The following CLYBL variants were observed in gnomAD, a reference collection of about 807,000 sequenced individuals.
The protein encoded by CLYBL is citramalyl-CoA lyase.
A neutral mutation model predicts 38.9 loss-of-function variants in CLYBL; 31 were observed. That is an observed-to-expected ratio of 0.80 (90% CI 0.60 to 1.08). The LOEUF is 1.08. CLYBL is among the 50% of genes least tolerant of loss of function. The pLI, the probability that CLYBL is intolerant of heterozygous loss-of-function variation, is 0.00. For synonymous variants in CLYBL, 171 were observed against 158.6 expected, an observed-to-expected ratio of 1.08 and a Z score of -0.59; for missense variants, 434 against 411.6, an observed-to-expected ratio of 1.05 and a Z score of -0.47.
chr13:99,764,589 C>T (rs2049231261), intron 1 of CLYBL, among the ~76,000 whole-genome samples: 1 of 151,996 alleles, frequency 6.6e-6, no homozygotes, highest in Non-Finnish European at 1.5e-5. Flanking sequence ...TGTTATGTCT[C>T]CTTTTTCATT....
chr13:99,736,033 CTTTTCTTTTT>C (rs1171007707), intron 1 of CLYBL, among the ~76,000 whole-genome samples: 1 of 107,000 alleles, frequency 9.3e-6, no homozygotes, highest in African/African-American at 3.6e-5. Flanking sequence ...CTATACGTTT[CTTTTCTTTTT>C]TTTTTTTTTT....
downstream of CLYBL, among the ~76,000 whole-genome samples, chr13:99,901,830 T>C (rs2052647964): frequency 6.6e-6 from 1 of 152,048 alleles, no homozygotes; most frequent in African/African-American, 2.4e-5. Context: ...TGGCTAATTT[T>C]TGTATTTTTA....
intron 2 of CLYBL, among the ~76,000 whole-genome samples, chr13:99,835,882 G>T (rs2050923159): frequency 6.6e-6 from 1 of 152,174 alleles, no homozygotes; most frequent in African/African-American, 2.4e-5. Context: ...GGAAGTCCAG[G>T]GTAGGTGGTA....
intron 3 of CLYBL, among the ~76,000 whole-genome samples, chr13:99,861,578 AC>A (rs1464644801): frequency 1.3e-5 from 2 of 152,112 alleles, no homozygotes; most frequent in African/African-American, 4.8e-5. Flanking sequence ...TTAAATTGTC[AC>A]CCCCTGCTCC....
intron 1 of CLYBL, among the ~76,000 whole-genome samples, chr13:99,648,073 T>A (rs982099444): frequency 6.6e-6 from 1 of 152,152 alleles, no homozygotes; most frequent in Non-Finnish European, 1.5e-5. Flanking sequence ...GATATTTCAT[T>A]ATGAGAAATG....
chr13:99,760,278 T>C (rs7997298), intron 1 of CLYBL, among the ~76,000 whole-genome samples: 67 of 152,220 alleles, frequency 4.4e-4, no homozygotes, highest in African/African-American at 1.4e-3. Flanking sequence ...CTTCATTTCA[T>C]TGATTTTCTC....
At chr13:99,777,896 AT>A (rs2049556982) in intron 2 of CLYBL, among the ~76,000 whole-genome samples, 1 of 152,242 alleles carries the variant, frequency 6.6e-6, no homozygotes, top group Non-Finnish European at 1.5e-5. Context: ...ACAAGGTCAC[AT>A]TGCCATTAAA....
intron 1 of CLYBL, among the ~76,000 whole-genome samples, chr13:99,679,497 A>G (rs954883694): frequency 2.0e-5 from 3 of 151,934 alleles, no homozygotes; most frequent in African/African-American, 7.3e-5. Context: ...TCACCCGGGG[A>G]ATCTGTGTTT....
chr13:99,823,670 T>A (rs2050629632), intron 2 of CLYBL, among the ~76,000 whole-genome samples: 1 of 152,248 alleles, frequency 6.6e-6, no homozygotes, highest in African/African-American at 2.4e-5. Context: ...TTGGTGAATA[T>A]TTCATTGTCT....
At chr13:99,706,359 A>G (rs190371725) in intron 1 of CLYBL, among the ~76,000 whole-genome samples, 2 of 152,348 alleles carry the variant, frequency 1.3e-5, no homozygotes, top group East Asian at 3.9e-4. Context: ...GCTTCTTTGT[A>G]AATTCATTCT....
intron 1 of CLYBL, among the ~76,000 whole-genome samples, chr13:99,624,286 CA>C (rs2046839446): frequency 1.3e-5 from 2 of 152,214 alleles, no homozygotes; most frequent in Non-Finnish European, 2.9e-5. Flanking sequence ...GTGCCTGACA[CA>C]GTAGGCACTG....
chr13:99,846,746 GATAAACTTT>G (rs2051215294), intron 2 of CLYBL, among the ~76,000 whole-genome samples: 1 of 152,200 alleles, frequency 6.6e-6, no homozygotes, highest in African/African-American at 2.4e-5. Context: ...TACTTCTGTG[GATAAACTTT>G]ATAATCTACT....
chr13:99,736,469 A>G (rs1299043671), intron 1 of CLYBL, among the ~76,000 whole-genome samples: 1 of 151,962 alleles, frequency 6.6e-6, no homozygotes, highest in Non-Finnish European at 1.5e-5. Context: ...CATCTGTAAC[A>G]AACTGCAGCA....
Position 99,849,301 on chromosome 13 carries a change from CAGG to C in CLYBL, c.250-9557_250-9555del, listed in dbSNP as rs2051278462. ...CCGTGGTGGGAGGATTGCTTGAGCC[CAGG>C]AGTTTAAGACCAGCCTGGGCAACAT... On this transcript the variant is annotated intron_variant, in intron 2 of 8. Transcript: ENST00000339105. This position sits in a 1 kb window ranked among gnomAD's most constrained non-coding sequence, Gnocchi z 4.9. 6.6e-6 allele frequency among the ~76,000 whole-genome samples: 1 copy of C among 151,710 alleles called. No homozygotes were observed. Among genetic ancestry groups the C allele is most frequent in the South Asian group, 2.1e-4 (1 of 4,796 alleles).
In CLYBL at chr13:99,669,665, C is replaced by G. The variant is rs907993073; in HGVS notation, c.62+62908C>G. Among the ~76,000 whole-genome samples the G allele has an allele frequency of 2.0e-5, 3 of 152,090 alleles. 1 individual carries two copies. The highest frequency in any genetic ancestry group is 6.3e-3 in the Middle Eastern group (2 of 316). Reference sequence around the variant, plus strand: ...TGTTGTACATTTTCTTTTTCATTTCCCATGAAGATCCCTATTTTTAGCTTT... The same window carrying G: ...TGTTGTACATTTTCTTTTTCATTTCGCATGAAGATCCCTATTTTTAGCTTT... On this transcript the variant is annotated intron_variant, in intron 1 of 8. Coordinates refer to ENST00000339105, the MANE Select transcript of CLYBL (RefSeq NM_206808.5).
chr13:99,663,616 T>G (rs1377607892), intron 1 of CLYBL, among the ~76,000 whole-genome samples: 1 of 152,198 alleles, frequency 6.6e-6, no homozygotes, highest in East Asian at 1.9e-4. Context: ...GCATCGATAC[T>G]GTGTGTCTAC....
At chr13:99,716,564 A>G (rs1465917260) in intron 1 of CLYBL, among the ~76,000 whole-genome samples, 1 of 150,016 alleles carries the variant, frequency 6.7e-6, no homozygotes, top group African/African-American at 2.4e-5. Context: ...TTATATTTTT[A>G]ATAGAGACAG....
In CLYBL at chr13:99,694,439, C is replaced by G. The variant is rs147339933; in HGVS notation, c.63-78385C>G. Among the ~76,000 whole-genome samples the G allele has an allele frequency of 9.5e-4, 144 of 152,318 alleles. 1 individual carries two copies. Among genetic ancestry groups the G allele is most frequent in the Middle Eastern group, 6.8e-3 (2 of 294 alleles). On this transcript the variant is annotated intron_variant, in intron 1 of 8. Coordinates refer to ENST00000339105, the MANE Select transcript of CLYBL (RefSeq NM_206808.5). ...ACAGCAGATGGCCAGAGTGTTTCCA[C>G]GTTTCAGCCTCGAAGTGAGAGGGCA...
At chr13:99,845,814 A>T (rs2051190658) in intron 2 of CLYBL, among the ~76,000 whole-genome samples, 2 of 152,096 alleles carry the variant, frequency 1.3e-5, no homozygotes, top group Admixed American at 6.6e-5. Flanking sequence ...GCCTTTTTTA[A>T]AAAATTAAGT....
Sources: allele counts gnomAD v4.1 joint callset (sites outside exome capture counted in the v4.1 genomes callset), GRCh38; gene constraint gnomAD v4.1.1; non-coding constraint Gnocchi (gnomAD v3.1); transcripts MANE v1.5; gene names NCBI Gene and HGNC (gene_info 2026-07-23, HGNC 2026-07-21).